SMYD3: variants seen among roughly 807,000 people sequenced by gnomAD.
SMYD3 encodes the protein histone-lysine N-methyltransferase SMYD3.
In SMYD3, 36 loss-of-function variants were observed where a neutral mutation model predicts 57.7. The ratio of observed to expected loss-of-function variants is 0.62; its 90% confidence interval spans 0.48 to 0.82. SMYD3 has a LOEUF of 0.82. SMYD3 is among the 40% of genes least tolerant of loss of function. SMYD3 has a pLI of 0.00. For missense variants in SMYD3, 515 were observed against 538.8 expected (o/e 0.96, Z 0.44); for synonymous variants, 211 against 195.0 (o/e 1.08, Z -0.68).
intron 10 of SMYD3, among the ~76,000 whole-genome samples, chr1:245,773,533 A>G (rs923220642): frequency 6.6e-6 from 1 of 152,190 alleles, no homozygotes; most frequent in African/African-American, 2.4e-5. Context: ...AGTGTGGCGC[A>G]GGGGTGAGGA....
chr1:246,116,424 T>C (rs780047232), intron 5 of SMYD3, among the ~76,000 whole-genome samples: 1 of 152,170 alleles, frequency 6.6e-6, no homozygotes, highest in East Asian at 1.9e-4. Context: ...CATAATGGAT[T>C]TGGAACAGAA....
At chr1:245,817,248 C>A (rs12042756) in intron 10 of SMYD3, among the ~76,000 whole-genome samples, 1 of 142,164 alleles carries the variant, frequency 7.0e-6, no homozygotes, top group Non-Finnish European at 1.5e-5. Flanking sequence ...CCCTGACCCC[C>A]GAGCAGCCTA....
intron 10 of SMYD3, chr1:245,814,423 CAA>C (rs1238702524): frequency 2.3e-5 from 20 of 872,618 alleles, no homozygotes; most frequent in South Asian, 5.3e-5. Context: ...CAACTGGGGG[CAA>C]AAAAAAAATA....
chr1:246,495,306 G>A (rs957322220), intron 1 of SMYD3, among the ~76,000 whole-genome samples: 1 of 126,812 alleles, frequency 7.9e-6, no homozygotes, highest in African/African-American at 3.1e-5. Flanking sequence ...CCGAGATCAT[G>A]CCACTGCACT....
intron 1 of SMYD3, among the ~76,000 whole-genome samples, chr1:246,439,880 G>T (rs2067437121): frequency 6.6e-6 from 1 of 152,092 alleles, no homozygotes; most frequent in Admixed American, 6.5e-5. Flanking sequence ...AGCTTGGGAG[G>T]TCAAGGCTGC....
chr1:246,466,061 T>C (rs59509051), intron 1 of SMYD3, among the ~76,000 whole-genome samples: 13,787 of 152,284 alleles, frequency 0.091, 2,029 homozygotes, highest in African/African-American at 0.31. Flanking sequence ...CGTGAGCCAC[T>C]GCTCCTGGCC....
chr1:246,172,345 T>A (rs935269038), intron 5 of SMYD3, among the ~76,000 whole-genome samples: 1 of 147,412 alleles, frequency 6.8e-6, no homozygotes, highest in African/African-American at 2.5e-5. Flanking sequence ...TGTACTCTAC[T>A]GTAGACTTTA....
At chr1:246,130,600 T>C (rs901252786) in intron 5 of SMYD3, among the ~76,000 whole-genome samples, 1 of 152,184 alleles carries the variant, frequency 6.6e-6, no homozygotes, top group Non-Finnish European at 1.5e-5. Context: ...ATTCTCGTTA[T>C]ATAACAAAGA....
chr1:245,798,323 C>G (rs1048797070), intron 10 of SMYD3, among the ~76,000 whole-genome samples: 3 of 124,348 alleles, frequency 2.4e-5, no homozygotes, highest in Admixed American at 1.8e-4. Context: ...GCGGCCCCGG[C>G]CCATGGGGAA....
chr1:246,396,936 C>T (rs79408314), intron 1 of SMYD3, among the ~76,000 whole-genome samples: 10,300 of 152,244 alleles, frequency 0.068, 658 homozygotes, highest in East Asian at 0.32. Flanking sequence ...ACAAAAACTA[C>T]GGCTTAACCA....
At chr1:246,349,463 G>A (rs2065783174) in intron 2 of SMYD3, among the ~76,000 whole-genome samples, 1 of 152,100 alleles carries the variant, frequency 6.6e-6, no homozygotes, top group Non-Finnish European at 1.5e-5. Context: ...AAAGTAGCCA[G>A]GCATGGTAGT....
In SMYD3 at chr1:245,768,925, G is replaced by A. The variant is rs6677831; in HGVS notation, c.1077-4776C>T. Among the ~76,000 whole-genome samples the A allele has an allele frequency of 5.9e-3, 902 of 152,204 alleles. 7 individuals are homozygous for A. The highest frequency in any genetic ancestry group is 0.019 in the African/African-American group (777 of 41,532). On this transcript the variant is annotated intron_variant, in intron 10 of 11. Coordinates refer to ENST00000490107, the MANE Select transcript of SMYD3 (RefSeq NM_001167740.2). ...AAAATTCTGTTCTTGGTGAATTACC[G>A]TCTATGGTATTTTGGTGTAGCAGCA...
chr1:246,366,568 C>A (rs12029061), intron 1 of SMYD3, among the ~76,000 whole-genome samples: 112 of 138,684 alleles, frequency 8.1e-4, no homozygotes, highest in Non-Finnish European at 1.4e-3. Flanking sequence ...CCTTCTTTTT[C>A]TCTTAAAAAA....
chr1:246,193,771 T>C (rs1558305183), intron 5 of SMYD3: 5 of 152,264 alleles, frequency 3.3e-5, no homozygotes, highest in African/African-American at 1.2e-4. Flanking sequence ...AATCAGTTCT[T>C]CCGAGCCGCA....
In SMYD3 at chr1:246,063,173, C is replaced by T. The variant is rs565792261; in HGVS notation, c.532-133236G>A. Among the ~76,000 whole-genome samples the T allele has an allele frequency of 9.5e-4, 145 of 152,282 alleles. 3 individuals are homozygous for T. In the South Asian group the frequency reaches 0.025, roughly 26 times the overall value. On this transcript the variant is annotated intron_variant, in intron 5 of 11. Transcript: ENST00000490107. ...CAAGCGAAGTCAGCAAGGGGAAAGG[C>T]ACATGGGGAGAAGTCTGTGGAAACA...
chr1:246,084,195 C>CTTTTTTTTTTTTT (rs772938424), intron 5 of SMYD3, among the ~76,000 whole-genome samples: 12 of 135,454 alleles, frequency 8.9e-5, no homozygotes, highest in African/African-American at 2.5e-4. Flanking sequence ...CTGACAATTC[C>CTTTTTTTTTTTTT]TTTTTTTTTT....
intron 5 of SMYD3, among the ~76,000 whole-genome samples, chr1:246,152,800 C>G (rs1012046015): frequency 1.3e-5 from 2 of 152,122 alleles, no homozygotes; most frequent in African/African-American, 2.4e-5. Flanking sequence ...CAGATTTAAC[C>G]TTTCTCAGCC....
intron 10 of SMYD3, among the ~76,000 whole-genome samples, chr1:245,792,699 T>C (rs2047327301): frequency 6.6e-6 from 1 of 152,182 alleles, no homozygotes; most frequent in African/African-American, 2.4e-5. Context: ...TAAAGTTGTC[T>C]ATCGCTAACA....
chr1:246,364,595 G>A (rs1042432956), intron 1 of SMYD3, among the ~76,000 whole-genome samples: 1 of 152,218 alleles, frequency 6.6e-6, no homozygotes, highest in Non-Finnish European at 1.5e-5. Flanking sequence ...AGGTGATACT[G>A]AAAGGATAAA....
Sources: allele counts gnomAD v4.1 joint callset (sites outside exome capture counted in the v4.1 genomes callset), GRCh38; gene constraint gnomAD v4.1.1; transcripts MANE v1.5; gene names NCBI Gene and HGNC (gene_info 2026-07-23, HGNC 2026-07-21).